The following CCDC91 variants were observed in gnomAD, a reference collection of about 807,000 sequenced individuals.
CCDC91 encodes coiled-coil domain containing 91.
A neutral mutation model predicts 63.2 loss-of-function variants in CCDC91; 48 were observed. That is an observed-to-expected ratio of 0.76 (90% CI 0.60 to 0.97). The LOEUF (loss-of-function observed/expected upper bound fraction) is 0.97. CCDC91 is among the 50% of genes least tolerant of loss of function. CCDC91 has a pLI of 0.00. For synonymous variants in CCDC91, 167 were observed against 165.8 expected (o/e 1.01, Z -0.06); for missense variants, 500 against 494.6 (o/e 1.01, Z -0.10).
intron 8 of CCDC91, among the ~76,000 whole-genome samples, chr12:28,410,997 T>G (rs1947284812): frequency 1.3e-5 from 2 of 152,222 alleles, no homozygotes; most frequent in Admixed American, 1.3e-4. Flanking sequence ...TCTCCTTTGT[T>G]GGCTTATCAT....
chr12:28,218,471 A>AAAGG (rs148891162), intron 1 of CCDC91, among the ~76,000 whole-genome samples: 2 of 151,122 alleles, frequency 1.3e-5, no homozygotes, highest in African/African-American at 4.9e-5. Context: ...ATTAAAAAAA[A>AAAGG]AAATCACCAA....
chr12:28,250,953 A>AGTGTGTGTGTGT, intron 1 of CCDC91, among the ~76,000 whole-genome samples: 1 of 145,548 alleles, frequency 6.9e-6, no homozygotes, highest in South Asian at 2.2e-4. Context: ...TTAAGGTTTG[A>AGTGTGTGTGTGT]GTGTGTGTGT....
chr12:28,486,521 CT>C (rs1951734917), intron 12 of CCDC91, among the ~76,000 whole-genome samples: 3 of 151,932 alleles, frequency 2.0e-5, no homozygotes, highest in Admixed American at 2.0e-4. Flanking sequence ...ACTAACATTT[CT>C]TTGGTTGAGA....
intron 8 of CCDC91, among the ~76,000 whole-genome samples, chr12:28,397,411 C>T (rs1440009583): frequency 6.6e-6 from 1 of 151,994 alleles, no homozygotes; most frequent in African/African-American, 2.4e-5. Context: ...GAAGTGGAAA[C>T]ATTTTTATTT....
chr12:28,192,212 A>C (rs1476079934), intron 1 of CCDC91, among the ~76,000 whole-genome samples: 3 of 152,190 alleles, frequency 2.0e-5, no homozygotes, highest in Non-Finnish European at 4.4e-5. Context: ...GACGTTTAAA[A>C]ATGAGCTTGT....
intron 3 of CCDC91, chr12:28,302,609 C>T (rs553640315): frequency 6.7e-5 from 66 of 981,602 alleles, no homozygotes; most frequent in East Asian, 2.3e-4. Flanking sequence ...GTACCTCTGA[C>T]GGGGCAGAGT....
chr12:28,384,111 T>C (rs1290977389), intron 7 of CCDC91, among the ~76,000 whole-genome samples: 4 of 152,092 alleles, frequency 2.6e-5, no homozygotes, highest in Non-Finnish European at 5.9e-5. Flanking sequence ...TTGGATACTA[T>C]TTCTTCATTT....
intron 3 of CCDC91, among the ~76,000 whole-genome samples, chr12:28,277,848 G>C (rs948402985): frequency 1.3e-5 from 2 of 151,782 alleles, no homozygotes; most frequent in African/African-American, 4.8e-5. Flanking sequence ...AAGTTCTTTT[G>C]TCTCTCTTTC....
Position 28,549,055 on chromosome 12 carries a change from T to C in CCDC91, c.1216-8T>C, listed in dbSNP as rs765783264. The C allele has an allele frequency of 7.6e-6, 12 of 1,586,506 alleles. No homozygotes were observed. The East Asian group carries it at 2.7e-4, about 36-fold the overall frequency. ...CTCTTTCTCTCTCTCTTTAAAAAAA[T>C]TAAACAGCTCGATCAAGTCATCCGC... is the stretch of plus-strand genomic sequence containing the variant. On this transcript the variant is annotated splice_region_variant and splice_polypyrimidine_tract_variant and intron_variant, in intron 12 of 12. Coordinates refer to ENST00000536442, the MANE Select transcript of CCDC91 (RefSeq NM_018318.5).
chr12:28,440,227 G>T (rs930246625), intron 8 of CCDC91, among the ~76,000 whole-genome samples: 2 of 152,152 alleles, frequency 1.3e-5, no homozygotes, highest in Non-Finnish European at 2.9e-5. Flanking sequence ...TAGTGGCTTT[G>T]TTTATAAGTA....
chr12:28,293,473 T>TA (rs1387893601), intron 3 of CCDC91, among the ~76,000 whole-genome samples: 1 of 152,228 alleles, frequency 6.6e-6, no homozygotes, highest in Non-Finnish European at 1.5e-5. Context: ...AGGATATAGT[T>TA]AAGAGCTTAT....
At chr12:28,480,968 G>T (rs1294380147) in intron 11 of CCDC91, among the ~76,000 whole-genome samples, 1 of 151,946 alleles carries the variant, frequency 6.6e-6, no homozygotes, top group African/African-American at 2.4e-5. Context: ...GCAATAGAGA[G>T]AAATTATAAC....
At chr12:28,299,045 A>G (rs1480089516) in intron 3 of CCDC91, among the ~76,000 whole-genome samples, 1 of 151,588 alleles carries the variant, frequency 6.6e-6, no homozygotes, top group East Asian at 1.9e-4. Flanking sequence ...TCTGATATAT[A>G]TTTTTAGTGG....
intron 3 of CCDC91, among the ~76,000 whole-genome samples, chr12:28,295,179 C>G (rs991811006): frequency 1.1e-4 from 16 of 152,038 alleles, no homozygotes; most frequent in African/African-American, 3.9e-4. Context: ...AATATTTGTT[C>G]ACTCTCTATA....
intron 3 of CCDC91, among the ~76,000 whole-genome samples, chr12:28,284,637 G>C (rs1319249208): frequency 6.7e-6 from 1 of 149,608 alleles, no homozygotes; most frequent in Non-Finnish European, 1.5e-5. Flanking sequence ...TGGGCAACAA[G>C]AGTGAAACTA....
At chr12:28,201,128 G>A (rs1942247468) in intron 1 of CCDC91, among the ~76,000 whole-genome samples, 1 of 150,334 alleles carries the variant, frequency 6.7e-6, no homozygotes, top group Non-Finnish European at 1.5e-5. Context: ...CGGGCGGGGG[G>A]CTGACCCCCA....
chr12:28,259,443 G>T lies in CCDC91; in HGVS notation c.109+1G>T. 1.3e-6 allele frequency: 2 copies of T among 1,550,968 alleles called. No individual in the cohort carries two copies. Among genetic ancestry groups the T allele is most frequent in the Non-Finnish European group, 1.8e-6 (2 of 1,127,524 alleles). On this transcript the variant is annotated splice_donor_variant, in intron 3 of 12. Coordinates refer to ENST00000536442, the MANE Select transcript of CCDC91 (RefSeq NM_018318.5). LOFTEE classifies it high-confidence loss of function. ...ATTCCTTGGGCTGCCTTTCCTGCAGGTATTGGTATCCAGGAATTAGGGTTT... is the reference window on the plus strand; with the variant it reads ...ATTCCTTGGGCTGCCTTTCCTGCAGTTATTGGTATCCAGGAATTAGGGTTT...
intron 3 of CCDC91, among the ~76,000 whole-genome samples, chr12:28,296,622 A>G (rs1949579814): frequency 6.6e-6 from 1 of 151,872 alleles, no homozygotes. Flanking sequence ...ACATCTATAT[A>G]TCTATACATA....
At chr12:28,480,046 A>G (rs1448732078) in intron 11 of CCDC91, among the ~76,000 whole-genome samples, 2 of 151,970 alleles carry the variant, frequency 1.3e-5, no homozygotes, top group Non-Finnish European at 2.9e-5. Context: ...GGTCCCCACT[A>G]CCTGGTCCCA....
Sources: allele counts gnomAD v4.1 joint callset (sites outside exome capture counted in the v4.1 genomes callset), GRCh38; gene constraint gnomAD v4.1.1; transcripts MANE v1.5; gene names NCBI Gene and HGNC (gene_info 2026-07-23, HGNC 2026-07-21).